SUPT3H: variants seen among roughly 807,000 people sequenced by gnomAD.
The protein encoded by SUPT3H is SPT3 homolog, SAGA and STAGA complex component, also known as transcription initiation protein SPT3 homolog.
Under a neutral mutation model 44.3 loss-of-function variants are expected in SUPT3H, and 44 were observed. The observed-to-expected ratio is 0.99, with a 90% CI of 0.78 to 1.28. SUPT3H has a LOEUF of 1.28. Ranked by LOEUF, SUPT3H falls within the 50% of genes most tolerant of loss-of-function variation. SUPT3H has a pLI of 0.00. For missense variants in SUPT3H, 380 were observed against 387.1 expected, an observed-to-expected ratio of 0.98 and a Z score of 0.15; for synonymous variants, 124 against 125.6, an observed-to-expected ratio of 0.99 and a Z score of 0.09.
chr6:45,112,502 A>G, intron 2 of SUPT3H, among the ~76,000 whole-genome samples: 1 of 152,174 alleles, frequency 6.6e-6, no homozygotes, highest in East Asian at 1.9e-4. Flanking sequence ...CTTTGAGTCT[A>G]AAATACTTGT....
intron 9 of SUPT3H, among the ~76,000 whole-genome samples, chr6:44,938,713 T>C (rs778955075): frequency 6.6e-6 from 1 of 152,222 alleles, no homozygotes; most frequent in Non-Finnish European, 1.5e-5. Flanking sequence ...AAGCATGGGA[T>C]GGTTTTCCAT....
At chr6:45,045,965 T>C (rs991440356) in intron 3 of SUPT3H, among the ~76,000 whole-genome samples, 2 of 152,190 alleles carry the variant, frequency 1.3e-5, no homozygotes, top group African/African-American at 4.8e-5. Context: ...ATGCTTTCTA[T>C]GTTCTATCTA....
chr6:44,910,714 C>G (rs1227801077), intron 10 of SUPT3H, among the ~76,000 whole-genome samples: 1 of 150,874 alleles, frequency 6.6e-6, no homozygotes, highest in African/African-American at 2.4e-5. Flanking sequence ...AAAAAGGGGG[C>G]CAGGCATGGT....
chr6:44,966,913 C>G (rs549488635), intron 6 of SUPT3H, among the ~76,000 whole-genome samples: 1 of 152,128 alleles, frequency 6.6e-6, no homozygotes, highest in Non-Finnish European at 1.5e-5. Flanking sequence ...CTATCTCAGA[C>G]GGCCACATGA....
chr6:45,020,689 A>G, intron 3 of SUPT3H, 57 bp from the exon 4 acceptor site: 1 of 1,233,190 alleles, frequency 8.1e-7, no homozygotes, highest in Admixed American at 1.9e-5. Flanking sequence ...TATATAGTAC[A>G]GTCATGATGT....
intron 2 of SUPT3H, among the ~76,000 whole-genome samples, chr6:45,230,660 G>GCCTATA (rs765270979): frequency 0.024 from 1,211 of 51,150 alleles, 107 homozygotes; most frequent in African/African-American, 0.069. Context: ...AATTCATTCA[G>GCCTATA]TCTATATATA....
chr6:45,121,254 T>G (rs570860731), intron 2 of SUPT3H, among the ~76,000 whole-genome samples: 86 of 152,236 alleles, frequency 5.6e-4, no homozygotes, highest in African/African-American at 2.0e-3. Flanking sequence ...TGAACAAATT[T>G]CCTATCTCAA....
chr6:45,360,142 T>C (rs954361506), intron 2 of SUPT3H, among the ~76,000 whole-genome samples: 2 of 152,240 alleles, frequency 1.3e-5, no homozygotes, highest in African/African-American at 2.4e-5. Flanking sequence ...GCACGGAATC[T>C]GGAGTCAGAC....
Position 44,944,584 on chromosome 6 carries a change from C to A in SUPT3H, c.801+8726G>T, listed in dbSNP as rs538639492. On this transcript the variant is annotated intron_variant, in intron 9 of 10. Coordinates refer to ENST00000371459, the MANE Select transcript of SUPT3H (RefSeq NM_003599.4). ...GAATAGCTTGGGCAACACAGTGAAA[C>A]CCTGTCTCTACAAAAAAAAATACAA... Among the ~76,000 whole-genome samples the A allele has an allele frequency of 8.0e-5, 12 of 150,882 alleles. No individual in the cohort carries two copies. The South Asian group carries it at 1.9e-3, about 24-fold the overall frequency.
At chr6:44,831,181 T>C (rs946448667) in intron 10 of SUPT3H, among the ~76,000 whole-genome samples, 3 of 152,138 alleles carry the variant, frequency 2.0e-5, no homozygotes, top group African/African-American at 7.2e-5. Flanking sequence ...GGCTGAAATT[T>C]CTTTGCTTAG....
At chr6:44,930,259 T>C (rs1770352914) in intron 10 of SUPT3H, among the ~76,000 whole-genome samples, 1 of 151,976 alleles carries the variant, frequency 6.6e-6, no homozygotes, top group Admixed American at 6.6e-5. Context: ...CGGGTGCCTG[T>C]AGTCCCAGCT....
rs188566677 is a variant in SUPT3H, at chr6:44,881,408, A to G, written c.912+51245T>C. ...TAAAGCAAGTTCTTAGAGATCTACA[A>G]AGAGACTTAGACTCCCACACAATAA... On this transcript the variant is annotated intron_variant, in intron 10 of 10. Coordinates refer to ENST00000371459, the MANE Select transcript of SUPT3H (RefSeq NM_003599.4). 2.8e-4 allele frequency among the ~76,000 whole-genome samples: 42 copies of G among 151,702 alleles called. 1 individual carries two copies. The highest frequency in any genetic ancestry group is 1.0e-3 in the African/African-American group (42 of 41,328).
At chr6:45,202,191 C>G (rs563193697) in intron 2 of SUPT3H, among the ~76,000 whole-genome samples, 1 of 152,038 alleles carries the variant, frequency 6.6e-6, no homozygotes, top group African/African-American at 2.4e-5. Flanking sequence ...ACTCTTTTGA[C>G]ATACCCAATA....
intron 3 of SUPT3H, among the ~76,000 whole-genome samples, chr6:45,068,867 T>C (rs1043372678): frequency 6.6e-6 from 1 of 151,982 alleles, no homozygotes; most frequent in African/African-American, 2.4e-5. Flanking sequence ...TATGAATTAC[T>C]AATCAGTAGA....
At chr6:45,069,278 C>T (rs746490101) in intron 3 of SUPT3H, among the ~76,000 whole-genome samples, 2 of 152,114 alleles carry the variant, frequency 1.3e-5, no homozygotes, top group East Asian at 1.9e-4. Context: ...ACGTGTTAAA[C>T]AACATTCTAG....
At chr6:45,114,288 A>G (rs1228459196) in intron 2 of SUPT3H, among the ~76,000 whole-genome samples, 3 of 152,126 alleles carry the variant, frequency 2.0e-5, no homozygotes, top group Non-Finnish European at 4.4e-5. Flanking sequence ...AAAATGAGTC[A>G]AGTTTACATT....
chr6:45,138,330 C>A (rs574117215), intron 2 of SUPT3H, among the ~76,000 whole-genome samples: 10 of 152,194 alleles, frequency 6.6e-5, no homozygotes, highest in Admixed American at 2.6e-4. Flanking sequence ...TCTCATATAA[C>A]CCACTCCTAG....
intron 2 of SUPT3H, among the ~76,000 whole-genome samples, chr6:45,304,921 T>C (rs1200237111): frequency 6.6e-6 from 1 of 152,162 alleles, no homozygotes; most frequent in Non-Finnish European, 1.5e-5. Flanking sequence ...GAAACGTTTA[T>C]TTTTACAAAC....
chr6:44,971,058 A>C (rs1777504436), intron 6 of SUPT3H, among the ~76,000 whole-genome samples: 1 of 152,194 alleles, frequency 6.6e-6, no homozygotes. Flanking sequence ...TGTAAAGAAC[A>C]AAGGAGCCCT....
Sources: allele counts gnomAD v4.1 joint callset (sites outside exome capture counted in the v4.1 genomes callset), GRCh38; gene constraint gnomAD v4.1.1; transcripts MANE v1.5; gene names NCBI Gene and HGNC (gene_info 2026-07-23, HGNC 2026-07-21).